CDCA2: variants seen among roughly 807,000 people sequenced by gnomAD.
CDCA2 encodes the protein cell division cycle associated 2.
Under a neutral mutation model 67.0 loss-of-function variants are expected in CDCA2, and 44 were observed. The observed-to-expected ratio is 0.66, with a 90% confidence interval of 0.52 to 0.84. CDCA2 has a LOEUF of 0.84. Among genes scored for constraint, CDCA2 ranks in the 40% least tolerant of loss-of-function variants. The pLI is 0.00. For synonymous variants in CDCA2, 447 were observed against 418.7 expected (o/e 1.07, Z -0.82); for missense variants, 1,253 against 1,203.2 (o/e 1.04, Z -0.61).
Position 25,480,051 on chromosome 8 carries a change from C to T in CDCA2, c.959C>T (p.Pro320Leu), listed in dbSNP as rs768273369. The T allele has an allele frequency of 1.8e-5, 29 of 1,613,998 alleles. No individual in the cohort carries two copies. The highest frequency in any genetic ancestry group is 2.5e-5 in the Non-Finnish European group (29 of 1,180,030). Reference protein sequence around the residue: ...PATPACRRDLPTPKTFVLRSV... With the variant: ...PATPACRRDLLTPKTFVLRSV... Reference sequence around the variant, plus strand: ...ACTCCAGCCTGCAGGAGGGACCTTCCCACCCCCAAGACCTTTGTACTTCGT... The same window carrying T: ...ACTCCAGCCTGCAGGAGGGACCTTCTCACCCCCAAGACCTTTGTACTTCGT... Residue 320 changes from proline to leucine, a missense_variant, in exon 8 of 15, where the codon CCC becomes CTC. Coordinates refer to ENST00000330560, the MANE Select transcript of CDCA2 (RefSeq NM_152562.4).
intron 13 of CDCA2, among the ~76,000 whole-genome samples, chr8:25,491,596 A>G (rs1210420521): frequency 6.6e-6 from 1 of 152,192 alleles, no homozygotes; most frequent in Non-Finnish European, 1.5e-5. Flanking sequence ...GAAAAAATAA[A>G]AGACATTTGA....
chr8:25,507,521 C>G lies in CDCA2; in HGVS notation c.2855C>G (p.Pro952Arg). The G allele has an allele frequency of 6.2e-7, 1 of 1,613,822 alleles. No homozygotes were observed. Among genetic ancestry groups the G allele is most frequent in the East Asian group, 2.2e-5 (1 of 44,884 alleles). The change falls in exon 15 of 15, where the codon CCT (proline) becomes CGT (arginine). Residue 952 changes from proline to arginine, a missense_variant. Coordinates refer to ENST00000330560, the MANE Select transcript of CDCA2 (RefSeq NM_152562.4). ...TCCAGACAAAAACCGCAGATGGCAC[C>G]TCCCGTCTCAGATCCAGAAAACAGC... ...VSSRQKPQMA[P>R]PVSDPENSQG... is the part of the protein sequence containing the mutation.
At chr8:25,471,357 T>TTTTTTCTTCTTC (rs1554521210) in intron 7 of CDCA2, among the ~76,000 whole-genome samples, 2 of 151,120 alleles carry the variant, frequency 1.3e-5, no homozygotes, top group Admixed American at 6.6e-5. Flanking sequence ...CAATGTTTTC[T>TTTTTTCTTCTTC]TTCTTCTTCT....
chr8:25,463,174 G>A (rs1367916043), intron 4 of CDCA2, among the ~76,000 whole-genome samples: 4 of 152,078 alleles, frequency 2.6e-5, no homozygotes, highest in East Asian at 1.9e-4. Context: ...AGGGTCTCCT[G>A]GACAAAATGT....
chr8:25,477,719 T>C lies in CDCA2; in HGVS notation c.821-2194T>C, dbSNP rs539695211. On this transcript the variant is annotated intron_variant, in intron 7 of 14. Transcript: ENST00000330560. ...TGCCCGTGGCCTTTTCCCGGAACTC[T>C]TGAATTAAGTATCCAGCTCCCTTTC... Among the ~76,000 whole-genome samples the C allele has an allele frequency of 2.0e-5, 3 of 152,260 alleles. No homozygotes were observed. In the East Asian group the frequency reaches 5.8e-4, roughly 29 times the overall value.
At chr8:25,494,340 A>G (rs921135986) in intron 13 of CDCA2, among the ~76,000 whole-genome samples, 4 of 152,196 alleles carry the variant, frequency 2.6e-5, no homozygotes, top group Non-Finnish European at 5.9e-5. Context: ...GAAAAACCCA[A>G]TAACAATACA....
chr8:25,490,844 G>T (rs144775942), intron 13 of CDCA2, among the ~76,000 whole-genome samples: 2 of 152,158 alleles, frequency 1.3e-5, no homozygotes, highest in East Asian at 1.9e-4. Flanking sequence ...GGATTTCCAC[G>T]CAGGAAAGAG....
At chr8:25,474,883 C>T (rs184931562) in intron 7 of CDCA2, among the ~76,000 whole-genome samples, 2 of 152,170 alleles carry the variant, frequency 1.3e-5, no homozygotes, top group African/African-American at 4.8e-5. Flanking sequence ...GCTTGCCTCC[C>T]AGCCCAGGGT....
chr8:25,501,230 G>A (rs889641950), intron 13 of CDCA2, among the ~76,000 whole-genome samples: 1 of 152,180 alleles, frequency 6.6e-6, no homozygotes. Context: ...ATCTTGTACA[G>A]TTCTAAAATT....
At chr8:25,460,122 C>T (rs1196383740) in intron 1 of CDCA2, 118 bp from the exon 2 acceptor site, 3 of 910,974 alleles carry the variant, frequency 3.3e-6, no homozygotes, top group African/African-American at 3.3e-5. Flanking sequence ...AAACCTGTGA[C>T]GTGTGTTTCT....
chr8:25,501,089 A>G (rs1282111787), intron 13 of CDCA2, among the ~76,000 whole-genome samples: 3 of 152,206 alleles, frequency 2.0e-5, no homozygotes, highest in African/African-American at 4.8e-5. Flanking sequence ...CAGATGTTCC[A>G]TGAAAAAAAT....
intron 13 of CDCA2, among the ~76,000 whole-genome samples, chr8:25,499,915 C>T (rs1320008130): frequency 4.6e-5 from 7 of 152,122 alleles, no homozygotes; most frequent in Admixed American, 3.9e-4. Flanking sequence ...GTGGTGAATT[C>T]AGATTTTGAT....
chr8:25,475,531 G>A (rs1443174335), intron 7 of CDCA2, among the ~76,000 whole-genome samples: 4 of 152,088 alleles, frequency 2.6e-5, no homozygotes, highest in Admixed American at 6.6e-5. Context: ...AAAGGAATGC[G>A]AATATTTAAT....
At chr8:25,476,316 C>T (rs190873511) in intron 7 of CDCA2, among the ~76,000 whole-genome samples, 134 of 152,248 alleles carry the variant, frequency 8.8e-4, no homozygotes, top group Non-Finnish European at 1.5e-3. Flanking sequence ...TTTAACTGGG[C>T]CCCTGCATCT....
chr8:25,488,196 C>G (rs766058350), intron 12 of CDCA2, among the ~76,000 whole-genome samples: 4 of 152,116 alleles, frequency 2.6e-5, no homozygotes, highest in Non-Finnish European at 5.9e-5. Context: ...CCTAGATAAT[C>G]TAAAAATTCA....
Position 25,502,203 on chromosome 8 carries a change from T to C in CDCA2, c.1672-1170T>C, listed in dbSNP as rs10091835. Reference sequence around the variant, plus strand: ...AGCCACCACGCCTGGCCTGTGTTAATTGTTAATATGTTTTATGTTGGCCCT... The same window carrying C: ...AGCCACCACGCCTGGCCTGTGTTAACTGTTAATATGTTTTATGTTGGCCCT... On this transcript the variant is annotated intron_variant, in intron 13 of 14. Transcript: ENST00000330560. Among the ~76,000 whole-genome samples, 774 of 152,238 alleles carry C rather than the reference T, an allele frequency of 5.1e-3. 5 individuals carry two copies. The highest frequency in any genetic ancestry group is 0.015 in the African/African-American group (617 of 41,570).
intron 8 of CDCA2, among the ~76,000 whole-genome samples, chr8:25,480,447 G>A (rs1803526505): frequency 6.6e-6 from 1 of 151,978 alleles, no homozygotes; most frequent in Non-Finnish European, 1.5e-5. Flanking sequence ...AATTATATAA[G>A]TGATATTAAT....
intron 6 of CDCA2, 62 bp from the exon 7 acceptor site, chr8:25,469,834 C>A: frequency 9.8e-7 from 1 of 1,017,610 alleles, no homozygotes; most frequent in South Asian, 1.5e-5. Flanking sequence ...CTCAAATCTT[C>A]AAAAAGGCAT....
rs752225815 is a variant in CDCA2, at chr8:25,487,279, A to G, written c.1478A>G (p.Glu493Gly). Reference sequence around the variant, plus strand: ...ACCTTTAGTTCTTCAAATAACCATGAGAAAATATCCTCTCCTAAAGTTGGT... The same window carrying G: ...ACCTTTAGTTCTTCAAATAACCATGGGAAAATATCCTCTCCTAAAGTTGGT... ...TDTFSSSNNH[E>G]KISSPKVGRI... Residue 493 changes from glutamate (E) to glycine (G), a missense_variant, in exon 12 of 15, where the codon GAG (glutamate) becomes GGG (glycine). Transcript: ENST00000330560. 1 of 1,611,872 alleles carries G rather than the reference A, an allele frequency of 6.2e-7. No homozygotes were observed. Among genetic ancestry groups the G allele is most frequent in the African/African-American group, 1.3e-5 (1 of 75,002 alleles).
Sources: gnomAD v4.1 joint callset for allele counts (sites outside exome capture counted in the v4.1 genomes callset) on GRCh38, gnomAD v4.1.1 for gene constraint, MANE v1.5 for transcripts, NCBI Gene and HGNC (gene_info 2026-07-23, HGNC 2026-07-21) for gene names.